The following REV3L variants were observed in gnomAD, a reference collection of about 807,000 sequenced individuals.
REV3L encodes REV3 like, DNA directed polymerase zeta catalytic subunit.
Under a neutral mutation model 299.4 loss-of-function variants are expected in REV3L, and 69 were observed. The observed-to-expected ratio is 0.23, with a 90% CI of 0.19 to 0.28. REV3L has a LOEUF of 0.28. Among genes scored for constraint, REV3L ranks in the 10% least tolerant of loss-of-function variants. The pLI is 1.00. For synonymous variants in REV3L, 1,238 were observed against 1,271.4 expected, an observed-to-expected ratio of 0.97 and a Z score of 0.56; for missense variants, 3,128 against 3,693.8, an observed-to-expected ratio of 0.85 and a Z score of 3.97.
At chr6:111,302,805 G>A (rs1484540812) in intron 31 of REV3L, among the ~76,000 whole-genome samples, 1 of 152,158 alleles carries the variant, frequency 6.6e-6, no homozygotes, top group Non-Finnish European at 1.5e-5. Context: ...GGGAGGCTGA[G>A]GCAGGAGAAT....
At position 111,373,724 on chromosome 6, in the gene REV3L, G is replaced by A. The variant is rs751002803; in HGVS notation, c.4631C>T (p.Ala1544Val). ...LQKRQQKAQN[A>V]NTTQDPLSNK... ...GGATAATGGGTCTTGTGTAGTATTT[G>A]CATTTTGTGCTTTCTGCTGTCTTTT... The change falls in exon 13 of 32, where the codon GCA (alanine) becomes GTA (valine). Residue 1544 changes from alanine to valine, a missense_variant. By Grantham distance (64) the Ala-to-Val change is moderately conservative. Coordinates refer to ENST00000368802, the MANE Select transcript of REV3L (RefSeq NM_001372078.1). 1.2e-6 allele frequency: 2 copies of A among 1,613,702 alleles called. No homozygotes were observed. The highest frequency in any genetic ancestry group is 1.7e-6 in the Non-Finnish European group (2 of 1,179,950).
rs1477592433 is a variant in REV3L, at chr6:111,398,112, CTAA to C, written c.566-5143_566-5141del. Reference sequence around the variant, plus strand: ...AAATCTAATAACATTTGCTTTCAATCTAATAATATTTGCTTTATATATGTGGGT... The same window carrying C: ...AAATCTAATAACATTTGCTTTCAATCTAATATTTGCTTTATATATGTGGGT... On this transcript the variant is annotated intron_variant, in intron 4 of 31. Coordinates refer to ENST00000368802, the MANE Select transcript of REV3L (RefSeq NM_001372078.1). 1.3e-4 allele frequency among the ~76,000 whole-genome samples: 20 copies of C among 151,352 alleles called. No individual in the cohort carries two copies. In the East Asian group the frequency reaches 3.8e-3, roughly 29 times the overall value.
At chr6:111,396,863 AT>A (rs1782565153) in intron 4 of REV3L, among the ~76,000 whole-genome samples, 1 of 152,112 alleles carries the variant, frequency 6.6e-6, no homozygotes, top group African/African-American at 2.4e-5. Context: ...CAATCTTGGT[AT>A]GCTGTAATGC....
intron 4 of REV3L, among the ~76,000 whole-genome samples, chr6:111,394,105 T>A (rs1782223375): frequency 1.3e-5 from 2 of 152,208 alleles, no homozygotes; most frequent in Admixed American, 1.3e-4. Flanking sequence ...GGGTGTAGGT[T>A]ATCTATCTTT....
At chr6:111,436,024 G>A (rs1787509400) in intron 1 of REV3L, among the ~76,000 whole-genome samples, 3 of 152,050 alleles carry the variant, frequency 2.0e-5, no homozygotes, top group Admixed American at 2.0e-4. Context: ...CTCAAAAGAA[G>A]ACATAAAAAT....
intron 18 of REV3L, among the ~76,000 whole-genome samples, chr6:111,355,759 T>A (rs1439696825): frequency 6.6e-6 from 1 of 152,134 alleles, no homozygotes; most frequent in Non-Finnish European, 1.5e-5. Flanking sequence ...CTCTTACATA[T>A]TTCTTTCTCT....
At chr6:111,423,888 C>T (rs910955169) in intron 1 of REV3L, among the ~76,000 whole-genome samples, 3 of 152,018 alleles carry the variant, frequency 2.0e-5, no homozygotes, top group Admixed American at 6.6e-5. Flanking sequence ...AAAAGAGGGG[C>T]GGGTTGACTT....
chr6:111,330,800 C>T lies in REV3L; in HGVS notation c.8034+876G>A, dbSNP rs541436742. On this transcript the variant is annotated intron_variant, in intron 24 of 31. Transcript: ENST00000368802. ...CATTTAATAAAAAAAAATCTGTTTC[C>T]ATTTCTCCAAGTAGATCTCATCTAC... 4.8e-5 allele frequency: 8 copies of T among 167,586 alleles called. No homozygotes were observed. The East Asian group carries it at 1.5e-3, about 32-fold the overall frequency. 10.4% of individuals were successfully genotyped at this position (167,586 alleles called of 1,614,324 possible). A position where few individuals can be genotyped will look rare whatever the true frequency, so the allele number is the denominator to read the frequency against.
At chr6:111,361,794 T>C (rs1021777608) in intron 16 of REV3L, among the ~76,000 whole-genome samples, 2 of 152,260 alleles carry the variant, frequency 1.3e-5, no homozygotes, top group Admixed American at 1.3e-4. Flanking sequence ...CATAATTTCC[T>C]AGAGAAAGGA....
At position 111,375,600 on chromosome 6, in the gene REV3L, G is replaced by A; in HGVS notation, c.2755C>T (p.Leu919Phe). 1 of 1,613,792 alleles carries A rather than the reference G, an allele frequency of 6.2e-7. No individual in the cohort carries two copies. The highest frequency in any genetic ancestry group is 8.5e-7 in the Non-Finnish European group (1 of 1,179,888). Residue 919 changes from leucine (L) to phenylalanine (F), a missense_variant, in exon 13 of 32, where the codon CTT becomes TTT. Physicochemically the swap from Leu to Phe is conservative, Grantham distance 22. Transcript: ENST00000368802. ...SFGLYGNKYT[L>F]RAKRKVNYET... The stretch of plus-strand genomic sequence containing the variant: ...TAATTTACCTTGCGTTTGGCTCTAA[G>A]TGTGTATTTATTTCCATATAGTCCA...
chr6:111,466,516 A>C (rs1791535771), intron 1 of REV3L, among the ~76,000 whole-genome samples: 1 of 152,216 alleles, frequency 6.6e-6, no homozygotes, highest in South Asian at 2.1e-4. Flanking sequence ...AAATGTACAT[A>C]CTGTGAGACA....
intron 17 of REV3L, among the ~76,000 whole-genome samples, chr6:111,357,369 A>G (rs191952412): frequency 7.9e-5 from 12 of 152,308 alleles, no homozygotes; most frequent in Admixed American, 4.6e-4. Flanking sequence ...TTCTCCTGAA[A>G]AGGCTGCATT....
chr6:111,458,630 G>T (rs79720667), intron 1 of REV3L, among the ~76,000 whole-genome samples: 16,374 of 151,824 alleles, frequency 0.11, 1,162 homozygotes, highest in Middle Eastern at 0.22. Flanking sequence ...GCATTTCTAC[G>T]TAACAATAAC....
At chr6:111,462,469 G>A (rs1372034928) in intron 1 of REV3L, among the ~76,000 whole-genome samples, 3 of 152,012 alleles carry the variant, frequency 2.0e-5, no homozygotes, top group Non-Finnish European at 2.9e-5. Flanking sequence ...AAAACTGATA[G>A]AACTGGAAAG....
intron 1 of REV3L, among the ~76,000 whole-genome samples, chr6:111,470,823 T>C (rs1164416297): frequency 6.6e-6 from 1 of 151,894 alleles, no homozygotes; most frequent in African/African-American, 2.4e-5. Context: ...CTACTAAAAA[T>C]ACAAAAAGTA....
intron 15 of REV3L, 38 bp from the exon 16 acceptor site, chr6:111,364,016 G>A: frequency 6.4e-7 from 1 of 1,571,982 alleles, no homozygotes; most frequent in Non-Finnish European, 8.6e-7. Flanking sequence ...GCCAGAAAAA[G>A]ATACATGAGC....
At position 111,404,279 on chromosome 6, in the gene REV3L, T is replaced by A. The variant is rs563966058; in HGVS notation, c.565+1191A>T. ...GACAGTATAACAGTTGCAGCATGGT[T>A]GACTGAATATTTTAAGCCCATTTTT... On this transcript the variant is annotated intron_variant, in intron 4 of 31. Transcript: ENST00000368802. Among the ~76,000 whole-genome samples the A allele has an allele frequency of 1.1e-4, 17 of 152,310 alleles. No individual in the cohort carries two copies. In the South Asian group the frequency reaches 3.3e-3, roughly 30 times the overall value.
chr6:111,341,039 C>CCTT (rs376157862), intron 21 of REV3L, among the ~76,000 whole-genome samples: 16 of 131,896 alleles, frequency 1.2e-4, no homozygotes, highest in African/African-American at 3.3e-4. Flanking sequence ...TTCTCCTCAG[C>CCTT]TTTTTTTTTT....
chr6:111,414,363 C>A (rs746200370), intron 2 of REV3L, among the ~76,000 whole-genome samples: 8 of 152,030 alleles, frequency 5.3e-5, no homozygotes, highest in Non-Finnish European at 8.8e-5. Flanking sequence ...AGCAGAGGAA[C>A]TGAGAGAAAG....
Sources: gnomAD v4.1 joint callset for allele counts (sites outside exome capture counted in the v4.1 genomes callset) on GRCh38, gnomAD v4.1.1 for gene constraint, MANE v1.5 for transcripts, NCBI Gene and HGNC (gene_info 2026-07-23, HGNC 2026-07-21) for gene names.